Variants in IL17RD observed in about 807,000 individuals in gnomAD.
IL17RD encodes interleukin 17 receptor D.
IL17RD carries 52 observed loss-of-function variants against 80.5 expected under a neutral mutation model. The observed-to-expected ratio is 0.65, with a 90% CI of 0.52 to 0.81. The LOEUF is 0.81. IL17RD is among the 40% of genes least tolerant of loss of function. The pLI, the probability that IL17RD is intolerant of heterozygous loss-of-function variation, is 0.00. For synonymous variants in IL17RD, 416 were observed against 391.8 expected, an observed-to-expected ratio of 1.06 and a Z score of -0.73; for missense variants, 1,024 against 955.1, an observed-to-expected ratio of 1.07 and a Z score of -0.95.
chr3:57,142,689 G>A (rs1302214785), intron 1 of IL17RD: 1 of 155,276 alleles, frequency 6.4e-6, no homozygotes, highest in African/African-American at 2.4e-5. Context: ...GCGGGGCGGG[G>A]GGGAGGTTGG....
chr3:57,156,135 G>C (rs2060265521), intron 1 of IL17RD, among the ~76,000 whole-genome samples: 1 of 152,200 alleles, frequency 6.6e-6, no homozygotes, highest in Non-Finnish European at 1.5e-5. Context: ...CAACGGGGAA[G>C]AAGGATGGAC....
chr3:57,166,504 A>AAAAC (rs6147832), upstream of IL17RD, among the ~76,000 whole-genome samples: 3,738 of 150,922 alleles, frequency 0.025, 65 homozygotes, highest in Admixed American at 0.038. Flanking sequence ...CCTGTCTCTA[A>AAAAC]AAACAAACAA....
chr3:57,097,655 G>A lies in IL17RD; in HGVS notation c.2048C>T (p.Ser683Leu), dbSNP rs749090471. The A allele has an allele frequency of 1.2e-5, 19 of 1,601,446 alleles. No individual in the cohort carries two copies. The highest frequency in any genetic ancestry group is 1.3e-5 in the Non-Finnish European group (15 of 1,174,508). Residue 683 changes from serine (S) to leucine (L), a missense_variant, in exon 12 of 13, where the codon TCG (serine) becomes TTG (leucine). Coordinates refer to ENST00000296318, the MANE Select transcript of IL17RD (RefSeq NM_017563.5). ...GGAAGACGTTTCTGTCTGGTCCGTC[G>A]AGAGTCCTTCCATCAGTGGCAGAGA... ...ELSLPLMEGL[S>L]TDQTETSSLT... is the part of the protein sequence containing the mutation.
chr3:57,107,308 G>A (rs1471108213), intron 5 of IL17RD, among the ~76,000 whole-genome samples: 1 of 152,062 alleles, frequency 6.6e-6, no homozygotes, highest in African/African-American at 2.4e-5. Context: ...GAACCCCGGA[G>A]GCGGAGCTTG....
rs2318125 is a variant in IL17RD, at chr3:57,103,495, G to A, written c.814-350C>T. ...CTGATTTTACTGGGCCTCCATTAAT[G>A]CTTTAAGAAGGTGTATCAGTCAAAA... On this transcript the variant is annotated intron_variant, in intron 8 of 12. Transcript: ENST00000296318. 9.6e-3 allele frequency among the ~76,000 whole-genome samples: 1,469 copies of A among 152,238 alleles called. 14 individuals are homozygous for A. Among genetic ancestry groups the A allele is most frequent in the African/African-American group, 0.034 (1,406 of 41,494 alleles).
At chr3:57,130,152 T>C (rs1224194292) in intron 1 of IL17RD, among the ~76,000 whole-genome samples, 1 of 152,188 alleles carries the variant, frequency 6.6e-6, no homozygotes, top group Non-Finnish European at 1.5e-5. Flanking sequence ...TGAAAAATAA[T>C]CCTTACCCAA....
intron 1 of IL17RD, among the ~76,000 whole-genome samples, chr3:57,121,765 T>C (rs1209320835): frequency 6.6e-6 from 1 of 152,146 alleles, no homozygotes; most frequent in Non-Finnish European, 1.5e-5. Flanking sequence ...AACCTGCAGA[T>C]GGCAGACACC....
In IL17RD at chr3:57,094,938, A is replaced by G. The variant is rs543645737; in HGVS notation, c.*1455T>C. ...ACAGAGCAGTGAGTATGACATTTGC[A>G]TCAGAAATATACACAAACCTTTTCT... On this transcript the variant is annotated 3_prime_UTR_variant, in exon 13 of 13. Coordinates refer to ENST00000296318, the MANE Select transcript of IL17RD (RefSeq NM_017563.5). 1 of 152,662 alleles carries G rather than the reference A, an allele frequency of 6.6e-6. No homozygotes were observed. Among genetic ancestry groups the G allele is most frequent in the Non-Finnish European group, 1.5e-5 (1 of 68,048 alleles). The allele number at this position is 152,662 out of a possible 1,614,324, so 9.5% of individuals were successfully genotyped here. A position where few individuals can be genotyped will look rare whatever the true frequency, so the allele number is the denominator to read the frequency against.
chr3:57,153,648 G>C (rs1222663383), intron 1 of IL17RD, among the ~76,000 whole-genome samples: 3 of 152,196 alleles, frequency 2.0e-5, no homozygotes, highest in African/African-American at 7.2e-5. Context: ...TTTAGACAAA[G>C]GGGAAATGGG....
At chr3:57,162,903 G>T (rs1452444281) in intron 1 of IL17RD, among the ~76,000 whole-genome samples, 1 of 152,196 alleles carries the variant, frequency 6.6e-6, no homozygotes, top group Admixed American at 6.5e-5. Context: ...AAGGGGCATG[G>T]CATTCAGGAG....
chr3:57,122,120 A>G (rs932496375), intron 1 of IL17RD, among the ~76,000 whole-genome samples: 2 of 152,224 alleles, frequency 1.3e-5, no homozygotes, highest in Non-Finnish European at 2.9e-5. Context: ...AGCAAGGGTG[A>G]AAGAGCCTGG....
Position 57,090,816 on chromosome 3 carries a change from TTGACTC to T in IL17RD, c.*5571_*5576del, listed in dbSNP as rs1706537965. ...GTCTACATCATGTACAAATAGAAGA[TTGACTC>T]TGAATCTTCCTGAAATTTTATAGGA... On this transcript the variant is annotated 3_prime_UTR_variant, in exon 13 of 13. Transcript: ENST00000296318. 1 of 152,250 alleles carries T rather than the reference TTGACTC, an allele frequency of 6.6e-6. No individual in the cohort carries two copies. Among genetic ancestry groups the T allele is most frequent in the African/African-American group, 2.4e-5 (1 of 41,466 alleles). 9.4% of individuals were successfully genotyped at this position (152,250 alleles called of 1,614,324 possible). A position where few individuals can be genotyped will look rare whatever the true frequency, so the allele number is the denominator to read the frequency against.
At chr3:57,161,146 A>G (rs980506458) in intron 1 of IL17RD, among the ~76,000 whole-genome samples, 1 of 152,222 alleles carries the variant, frequency 6.6e-6, no homozygotes, top group African/African-American at 2.4e-5. Flanking sequence ...TGCTTATAAA[A>G]ACGTCTCTCT....
At chr3:57,140,077 T>G (rs906828755) in intron 1 of IL17RD, among the ~76,000 whole-genome samples, 2 of 152,136 alleles carry the variant, frequency 1.3e-5, no homozygotes, top group Non-Finnish European at 2.9e-5. Context: ...TGCATAAAGA[T>G]ACCGAGCCGG....
Position 57,165,183 on chromosome 3 carries a change from C to G in IL17RD, c.104G>C (p.Gly35Ala). The G allele has an allele frequency of 6.5e-7, 1 of 1,527,796 alleles. No individual in the cohort carries two copies. Among genetic ancestry groups the G allele is most frequent in the Non-Finnish European group, 8.8e-7 (1 of 1,138,732 alleles). The allele number at this position is 1,527,796 out of a possible 1,614,324, so 94.6% of individuals were successfully genotyped here. A position where few individuals can be genotyped will look rare whatever the true frequency, so the allele number is the denominator to read the frequency against. Reference protein sequence around the residue: ...VAAGGSGRARGADTCGWRGVG... With the variant: ...VAAGGSGRARAADTCGWRGVG... ...TACCCTCCAGCCACAGGTGTCGGCGCCCCGCGCGCGGCCGGACCCGCCAGC... is the reference window on the plus strand; with the variant it reads ...TACCCTCCAGCCACAGGTGTCGGCGGCCCGCGCGCGGCCGGACCCGCCAGC... The change falls in exon 1 of 13, where the codon GGC becomes GCC. Residue 35 changes from glycine (G) to alanine (A), a missense_variant. Coordinates refer to ENST00000296318, the MANE Select transcript of IL17RD (RefSeq NM_017563.5).
Position 57,101,227 on chromosome 3 carries a change from A to G in IL17RD, c.1116T>C (p.Asn372=), listed in dbSNP as rs922181984. The G allele has an allele frequency of 5.0e-6, 8 of 1,613,632 alleles. No individual in the cohort carries two copies. The African/African-American group carries it at 1.1e-4, about 22-fold the overall frequency. The change falls in exon 11 of 13, where the codon AAT becomes AAC. Residue 372 remains asparagine (N), a synonymous_variant. Transcript: ENST00000296318. ...GGAAGTAGGCGAAACACTGGACGAC[A>G]TTCATGTGATTCTGGCCATCTTTAC... is the stretch of plus-strand genomic sequence containing the variant. ...YSSKDGQNHM[N]VVQCFAYFLQ... is the part of the protein sequence containing the mutation.
intron 5 of IL17RD, among the ~76,000 whole-genome samples, chr3:57,107,067 C>T (rs1266993514): frequency 1.3e-5 from 2 of 152,014 alleles, no homozygotes; most frequent in Non-Finnish European, 2.9e-5. Context: ...TGGTCTTTGC[C>T]GTATGGAATT....
intron 1 of IL17RD, among the ~76,000 whole-genome samples, chr3:57,139,241 G>A (rs1026370654): frequency 2.6e-5 from 4 of 152,070 alleles, no homozygotes; most frequent in African/African-American, 9.7e-5. Flanking sequence ...GGGCACGCAT[G>A]GAGGAAAAAG....
chr3:57,131,858 G>A (rs976948635), intron 1 of IL17RD, among the ~76,000 whole-genome samples: 1 of 152,174 alleles, frequency 6.6e-6, no homozygotes, highest in Non-Finnish European at 1.5e-5. Context: ...TACGTCTGTT[G>A]AATAATAGAG....
Sources: gnomAD v4.1 joint callset for allele counts (sites outside exome capture counted in the v4.1 genomes callset) on GRCh38, gnomAD v4.1.1 for gene constraint, MANE v1.5 for transcripts, NCBI Gene and HGNC (gene_info 2026-07-23, HGNC 2026-07-21) for gene names.